Variants in HHAT observed in about 807,000 individuals in gnomAD.
The protein encoded by HHAT is hedgehog acyltransferase, also known as protein-cysteine N-palmitoyltransferase HHAT.
In HHAT, 47 loss-of-function variants were observed where a neutral mutation model predicts 70.8. The observed-to-expected ratio is 0.66, with a 90% CI of 0.53 to 0.85. The LOEUF (loss-of-function observed/expected upper bound fraction) is 0.85, where lower values mean the gene tolerates loss of function less well. Ranked by LOEUF, HHAT falls within the 40% of genes least tolerant of loss-of-function variation. The pLI is 0.00. For missense variants in HHAT, 609 were observed against 604.8 expected, an observed-to-expected ratio of 1.01 and a Z score of -0.07; for synonymous variants, 228 against 247.6, an observed-to-expected ratio of 0.92 and a Z score of 0.74.
chr1:210,421,134 C>T (rs551199676), intron 7 of HHAT, among the ~76,000 whole-genome samples: 1 of 151,952 alleles, frequency 6.6e-6, no homozygotes, highest in Admixed American at 6.6e-5. Flanking sequence ...TAGAAAAAAA[C>T]CCCTAAAATT....
chr1:210,549,311 G>A (rs767578805), intron 9 of HHAT, among the ~76,000 whole-genome samples: 8 of 149,222 alleles, frequency 5.4e-5, no homozygotes, highest in African/African-American at 1.5e-4. Flanking sequence ...TTGGTATTGA[G>A]CCATTGGCAA....
intron 5 of HHAT, among the ~76,000 whole-genome samples, chr1:210,402,808 C>G (rs1443662636): frequency 6.6e-6 from 1 of 152,192 alleles, no homozygotes; most frequent in Non-Finnish European, 1.5e-5. Context: ...TTCAGTCACT[C>G]ATTCATTGAT....
chr1:210,389,909 G>A (rs1485393714), intron 4 of HHAT, among the ~76,000 whole-genome samples: 1 of 152,178 alleles, frequency 6.6e-6, no homozygotes, highest in African/African-American at 2.4e-5. Flanking sequence ...CAGTTGTGGA[G>A]GGGACAAACA....
At chr1:210,515,457 C>A (rs1447453971) in intron 9 of HHAT, among the ~76,000 whole-genome samples, 1 of 152,144 alleles carries the variant, frequency 6.6e-6, no homozygotes, top group African/African-American at 2.4e-5. Context: ...TAGCTCTCTT[C>A]AGAAAGTGAG....
chr1:210,666,553 G>A (rs530496781), intron 11 of HHAT, among the ~76,000 whole-genome samples: 4 of 152,154 alleles, frequency 2.6e-5, no homozygotes, highest in East Asian at 3.9e-4. Context: ...GCACAATTTC[G>A]GCTTGCTGTA....
chr1:210,546,154 T>C (rs998928565), intron 9 of HHAT, among the ~76,000 whole-genome samples: 2 of 152,234 alleles, frequency 1.3e-5, no homozygotes, highest in Non-Finnish European at 2.9e-5. Flanking sequence ...TCAGCTAACA[T>C]TCTTTCAGTG....
At chr1:210,568,143 TAATC>T (rs780174208) in intron 9 of HHAT, among the ~76,000 whole-genome samples, 9 of 152,208 alleles carry the variant, frequency 5.9e-5, no homozygotes, top group Non-Finnish European at 1.0e-4. Context: ...ACCAATTATT[TAATC>T]AATCATTCCT....
chr1:210,463,767 A>G (rs1482855145), intron 7 of HHAT, among the ~76,000 whole-genome samples: 1 of 152,228 alleles, frequency 6.6e-6, no homozygotes, highest in Non-Finnish European at 1.5e-5. Context: ...CTACACTCTC[A>G]GCAGCTGTGC....
At position 210,644,297 on chromosome 1, in the gene HHAT, G is replaced by A. The variant is rs545026858; in HGVS notation, c.1390+20627G>A. Reference sequence around the variant, plus strand: ...TAATCATTTTGGGAGAGTGAAGTGCGTCATCTAAGAAGAAGTAGCCTTGGG... The same window carrying A: ...TAATCATTTTGGGAGAGTGAAGTGCATCATCTAAGAAGAAGTAGCCTTGGG... On this transcript the variant is annotated intron_variant, in intron 11 of 11. Coordinates refer to ENST00000261458, the MANE Select transcript of HHAT (RefSeq NM_018194.6). Among the ~76,000 whole-genome samples, 66 of 152,210 alleles carry A rather than the reference G, an allele frequency of 4.3e-4. No homozygotes were observed. In the South Asian group the frequency reaches 0.012, roughly 28 times the overall value.
chr1:210,418,842 G>A (rs1435694615), intron 7 of HHAT, among the ~76,000 whole-genome samples: 2 of 152,086 alleles, frequency 1.3e-5, no homozygotes, highest in African/African-American at 4.8e-5. Flanking sequence ...AGACCAGCCT[G>A]GCCAAGAAGG....
intron 9 of HHAT, among the ~76,000 whole-genome samples, chr1:210,516,654 G>A (rs2095061885): frequency 2.0e-5 from 3 of 151,996 alleles, no homozygotes; most frequent in African/African-American, 7.3e-5. Flanking sequence ...ACCCCCTCAA[G>A]ATTAACTACA....
At chr1:210,630,380 G>T (rs1232036488) in intron 11 of HHAT, among the ~76,000 whole-genome samples, 3 of 152,156 alleles carry the variant, frequency 2.0e-5, no homozygotes, top group African/African-American at 7.2e-5. Context: ...ACACCCCTTG[G>T]TGACACCACT....
intron 1 of HHAT, among the ~76,000 whole-genome samples, chr1:210,339,634 G>A (rs1476081864): frequency 2.0e-5 from 3 of 152,154 alleles, no homozygotes; most frequent in Non-Finnish European, 4.4e-5. Context: ...ACTTGTGTGA[G>A]CTGGCGCCAA....
chr1:210,515,551 A>G (rs1190349649), intron 9 of HHAT, among the ~76,000 whole-genome samples: 3 of 151,710 alleles, frequency 2.0e-5, no homozygotes, highest in African/African-American at 7.3e-5. Context: ...AGGTCAGGAG[A>G]TCGAGACCAT....
At chr1:210,531,440 G>A (rs772384225) in intron 9 of HHAT, among the ~76,000 whole-genome samples, 6 of 152,180 alleles carry the variant, frequency 3.9e-5, no homozygotes, top group Non-Finnish European at 8.8e-5. Flanking sequence ...AGGAAGAAGA[G>A]GAACCCAGGC....
At chr1:210,650,295 G>A (rs112060919) in intron 11 of HHAT, among the ~76,000 whole-genome samples, 1,915 of 152,298 alleles carry the variant, frequency 0.013, 42 homozygotes, top group African/African-American at 0.041. Flanking sequence ...TTGGTTTACA[G>A]AGCTAACAAG....
intron 8 of HHAT, among the ~76,000 whole-genome samples, chr1:210,494,548 T>G: frequency 1.7e-5 from 1 of 59,216 alleles, no homozygotes; most frequent in South Asian, 7.2e-4. Context: ...ATAGCTTTTT[T>G]TTTTTTTTTT....
chr1:210,377,205 G>A (rs2090296959), intron 3 of HHAT, among the ~76,000 whole-genome samples: 1 of 152,134 alleles, frequency 6.6e-6, no homozygotes, highest in South Asian at 2.1e-4. Flanking sequence ...TGATTTATTA[G>A]CATAGTTTGA....
chr1:210,348,818 C>T (rs2147970664), intron 1 of HHAT, 115 bp from the exon 2 acceptor site: 2 of 1,040,674 alleles, frequency 1.9e-6, no homozygotes, highest in East Asian at 5.4e-5. Context: ...GGGGTTATGT[C>T]TGTATCACCT....
Sources: gnomAD v4.1 joint callset for allele counts (sites outside exome capture counted in the v4.1 genomes callset) on GRCh38, gnomAD v4.1.1 for gene constraint, MANE v1.5 for transcripts, NCBI Gene and HGNC (gene_info 2026-07-23, HGNC 2026-07-21) for gene names.